The following ACSS1 variants were observed in gnomAD, a reference collection of about 807,000 sequenced individuals.
ACSS1 encodes the protein acyl-CoA synthetase short chain family member 1, also known as acetyl-coenzyme A synthetase 2-like, mitochondrial.
A neutral mutation model predicts 75.3 loss-of-function variants in ACSS1; 42 were observed. The ratio of observed to expected loss-of-function variants is 0.56; its 90% CI spans 0.44 to 0.72. The LOEUF (loss-of-function observed/expected upper bound fraction) is 0.72, where lower values mean the gene tolerates loss of function less well. Ranked by LOEUF, ACSS1 falls within the 30% of genes least tolerant of loss-of-function variation. The probability of loss-of-function intolerance (pLI) is 0.00; values close to 1 mark genes in which losing one functional copy is unlikely to be tolerated. For synonymous variants in ACSS1, 380 were observed against 376.8 expected, an observed-to-expected ratio of 1.01 and a Z score of -0.10; for missense variants, 782 against 935.7, an observed-to-expected ratio of 0.84 and a Z score of 2.14.
At chr20:25,027,779 CAAAAAAA>C (rs78414153) in intron 3 of ACSS1, among the ~76,000 whole-genome samples, 30 of 75,370 alleles carry the variant, frequency 4.0e-4, no homozygotes, top group Admixed American at 2.5e-3. Flanking sequence ...AGTGATCAGG[CAAAAAAA>C]AAAAAAAAAA....
intron 6 of ACSS1, 146 bp downstream of exon 6, chr20:25,021,243 G>A (rs758359523): frequency 1.5e-4 from 159 of 1,081,360 alleles, no homozygotes; most frequent in Non-Finnish European, 1.7e-4. Flanking sequence ...TGGCCCCACC[G>A]GGCATTTCGA....
intron 2 of ACSS1, among the ~76,000 whole-genome samples, chr20:25,034,040 A>G (rs2122699682): frequency 7.1e-6 from 1 of 139,964 alleles, no homozygotes; most frequent in Non-Finnish European, 1.6e-5. Flanking sequence ...CTCCTGATGA[A>G]GGATTTGATC....
chr20:25,055,773 A>G (rs531878934), intron 1 of ACSS1, among the ~76,000 whole-genome samples: 34 of 152,296 alleles, frequency 2.2e-4, no homozygotes, highest in Non-Finnish European at 3.8e-4. Context: ...ATTCCTTTGG[A>G]ACAAGCCATC....
At chr20:25,017,696 G>A (rs2088543801) in intron 7 of ACSS1, among the ~76,000 whole-genome samples, 1 of 152,250 alleles carries the variant, frequency 6.6e-6, no homozygotes, top group Non-Finnish European at 1.5e-5. Context: ...GGACCCCTAG[G>A]TGAGGCAGAG....
Position 25,052,295 on chromosome 20 carries a change from A to T in ACSS1, c.335-4114T>A, listed in dbSNP as rs1192517065. Among the ~76,000 whole-genome samples, 5 of 152,306 alleles carry T rather than the reference A, an allele frequency of 3.3e-5. 1 individual carries two copies. Among genetic ancestry groups the T allele is most frequent in the Middle Eastern group, 6.8e-3 (2 of 294 alleles). On this transcript the variant is annotated intron_variant, in intron 1 of 13. Coordinates refer to ENST00000323482, the MANE Select transcript of ACSS1 (RefSeq NM_032501.4). ...AGACAAGAAAATTCCATTTCTCAGC[A>T]TTTCCAAGAAGAGTTGGGCAAGGAC... is the stretch of plus-strand genomic sequence containing the variant.
intron 7 of ACSS1, among the ~76,000 whole-genome samples, chr20:25,018,556 C>G (rs914150748): frequency 5.3e-5 from 8 of 152,162 alleles, no homozygotes; most frequent in Non-Finnish European, 8.8e-5. Flanking sequence ...ACTCTAGAAC[C>G]AAGTGCTGCG....
At chr20:25,014,152 G>A in intron 8 of ACSS1, 79 bp from the exon 9 acceptor site, 2 of 1,225,680 alleles carry the variant, frequency 1.6e-6, no homozygotes, top group Non-Finnish European at 2.3e-6. Flanking sequence ...TGGTAGGTGG[G>A]ACTGTCCCTG....
chr20:25,013,791 C>T (rs1014369717), intron 9 of ACSS1, 129 bp from the exon 10 acceptor site: 53 of 1,391,196 alleles, frequency 3.8e-5, no homozygotes, highest in Non-Finnish European at 4.8e-5. Context: ...GGGCCCCAAG[C>T]CACCTGTGTG....
intron 3 of ACSS1, among the ~76,000 whole-genome samples, chr20:25,026,036 G>T (rs2088711351): frequency 6.6e-6 from 1 of 152,096 alleles, no homozygotes; most frequent in Non-Finnish European, 1.5e-5. Context: ...CCATTCTCCT[G>T]ACCTCTACCC....
At chr20:25,021,748 T>C (rs986255580) in intron 5 of ACSS1, among the ~76,000 whole-genome samples, 3 of 152,178 alleles carry the variant, frequency 2.0e-5, no homozygotes, top group African/African-American at 7.2e-5. Context: ...TGCATTACCT[T>C]ATGCCACGAT....
intron 1 of ACSS1, among the ~76,000 whole-genome samples, chr20:25,052,709 C>G (rs539921862): frequency 6.6e-6 from 1 of 152,362 alleles, no homozygotes; most frequent in Admixed American, 6.5e-5. Context: ...AATGGGACCA[C>G]CAACCACTTC....
chr20:25,012,844 G>C lies in ACSS1; in HGVS notation c.1675C>G (p.Arg559Gly). 6.2e-7 allele frequency: 1 copy of C among 1,614,150 alleles called. No individual in the cohort carries two copies. The highest frequency in any genetic ancestry group is 8.5e-7 in the Non-Finnish European group (1 of 1,180,030). The change falls in exon 11 of 14, where the codon CGG (arginine) becomes GGG (glycine). Residue 559 changes from arginine (R) to glycine (G), a missense_variant. Physicochemically the swap from Arg to Gly is moderately radical, Grantham distance 125. Transcript: ENST00000323482. Reference protein sequence around the residue: ...MDDVINISGHRLGTAEIEDAI... With the variant: ...MDDVINISGHGLGTAEIEDAI... ...TCCTCAATCTCTGCGGTCCCCAGCC[G>C]GTGGCCACTGATGTTGATGACATCA...
chr20:25,032,543 G>A, intron 2 of ACSS1: 1 of 1,252,740 alleles, frequency 8.0e-7, no homozygotes, highest in Non-Finnish European at 1.0e-6. Flanking sequence ...AACGAAGAAT[G>A]AGGGGAAGCC....
chr20:25,015,268 G>A (rs2088496361), intron 7 of ACSS1, 38 bp from the exon 8 acceptor site: 3 of 1,528,938 alleles, frequency 2.0e-6, no homozygotes, highest in East Asian at 2.3e-5. Flanking sequence ...TTAACAGGCT[G>A]CAAATAAACC....
rs975204263 is a variant in ACSS1 at position 25,006,662 on chromosome 20, G to A, written c.*1100C>T. ...CCCTGCCAACCGCCAGCCCCTGCAT[G>A]CCTAGCAGGGAGGTAAGCACCCACT... is the stretch of plus-strand genomic sequence containing the variant. On this transcript the variant is annotated 3_prime_UTR_variant, in exon 14 of 14. Transcript: ENST00000323482. The A allele has an allele frequency of 2.5e-5, 19 of 761,184 alleles. No individual in the cohort carries two copies. The highest frequency in any genetic ancestry group is 6.0e-5 in the Admixed American group (2 of 33,198). 47.2% of individuals were successfully genotyped at this position (761,184 alleles called of 1,614,324 possible). A position where few individuals can be genotyped will look rare whatever the true frequency, so the allele number is the denominator to read the frequency against.
intron 6 of ACSS1, 37 bp downstream of exon 6, chr20:25,021,352 C>A: frequency 6.2e-7 from 1 of 1,606,068 alleles, no homozygotes; most frequent in Non-Finnish European, 8.5e-7. Context: ...TCCCCTGACA[C>A]CAGCATGGGG....
In ACSS1 at chr20:25,023,220, A is replaced by G; in HGVS notation, c.808-128T>C. On this transcript the variant is annotated intron_variant, in intron 4 of 13. Transcript: ENST00000323482. ...ACCTGCTCTGACCTGTCCAAGTTCA[A>G]TTCCAAATGTGGAAAGGACACAAAA... The G allele has an allele frequency of 3.1e-6, 4 of 1,281,984 alleles. No individual in the cohort carries two copies. In the South Asian group the frequency reaches 6.1e-5, roughly 20 times the overall value. 79.4% of individuals were successfully genotyped at this position (1,281,984 alleles called of 1,614,324 possible). A position where few individuals can be genotyped will look rare whatever the true frequency, so the allele number is the denominator to read the frequency against.
Position 25,023,045 on chromosome 20 carries a change from A to C in ACSS1, c.855T>G (p.Ser285Arg). 6.2e-7 allele frequency: 1 copy of C among 1,613,966 alleles called. No homozygotes were observed. The highest frequency in any genetic ancestry group is 8.5e-7 in the Non-Finnish European group (1 of 1,179,976). ...TGTACAGCATGAAGAGCATGTCCTC[A>C]CTGCCCATGCTCTCTGGGGCGCAAA... ...DPVCAPESMG[S>R]EDMLFMLYTS... Residue 285 changes from serine to arginine, a missense_variant, in exon 5 of 14, where the codon AGT becomes AGG. By Grantham distance (110) the Ser-to-Arg change is moderately radical (BLOSUM62 -1). This residue lies in a region of ACSS1 where 405 missense variants were observed against 552.6 expected (regional missense o/e 0.73). Transcript: ENST00000323482.
At chr20:25,035,423 T>G (rs2088893663) in intron 2 of ACSS1, among the ~76,000 whole-genome samples, 1 of 151,738 alleles carries the variant, frequency 6.6e-6, no homozygotes, top group Admixed American at 6.6e-5. Context: ...TTTTTTTTTT[T>G]GAGATAGAGT....
Sources: gnomAD v4.1 joint callset for allele counts (sites outside exome capture counted in the v4.1 genomes callset) on GRCh38, gnomAD v4.1.1 for gene constraint, gnomAD v4.1.1 regional missense constraint, MANE v1.5 for transcripts, NCBI Gene and HGNC (gene_info 2026-07-23, HGNC 2026-07-21) for gene names.